PIK3CA: variants seen among roughly 807,000 people sequenced by gnomAD.
PIK3CA encodes the protein phosphatidylinositol-4,5-bisphosphate 3-kinase catalytic subunit alpha, also known as phosphatidylinositol 4,5-bisphosphate 3-kinase catalytic subunit alpha isoform.
PIK3CA carries 27 observed loss-of-function variants against 138.2 expected under a neutral mutation model. The observed-to-expected ratio is 0.20, with a 90% CI of 0.14 to 0.27. The LOEUF (loss-of-function observed/expected upper bound fraction) is 0.27, where lower values mean the gene tolerates loss of function less well. PIK3CA is among the 10% of genes least tolerant of loss of function. The pLI is 1.00. For missense variants in PIK3CA, 544 were observed against 1,277.4 expected, an observed-to-expected ratio of 0.43 and a Z score of 8.75; for synonymous variants, 358 against 413.2, an observed-to-expected ratio of 0.87 and a Z score of 1.62.
At position 179,234,656 on chromosome 3, in the gene PIK3CA, AAAAAC is replaced by A. The variant is rs1260259858; in HGVS notation, c.*307_*311del. On this transcript the variant is annotated 3_prime_UTR_variant, in exon 21 of 21. Coordinates refer to ENST00000263967, the MANE Select transcript of PIK3CA (RefSeq NM_006218.4). The surrounding 1 kb of genome is among the most constrained non-coding windows in gnomAD (Gnocchi z 5.1). ...TGAAGATTGTTTGTATCTTTTTTTA[AAAAAC>A]AAAACAAAACAAAAATCCCCAAAAT... 17 of 277,880 alleles carry A rather than the reference AAAAAC, an allele frequency of 6.1e-5. 1 individual carries two copies. The highest frequency in any genetic ancestry group is 1.0e-3 in the Middle Eastern group (1 of 980). 17.2% of individuals were successfully genotyped at this position (277,880 alleles called of 1,614,324 possible).
chr3:179,187,576 A>G (rs1396069645), intron 1 of PIK3CA, among the ~76,000 whole-genome samples: 1 of 147,672 alleles, frequency 6.8e-6, no homozygotes, highest in African/African-American at 2.5e-5. Flanking sequence ...CGGATCCTTT[A>G]TTGAATTTCT....
At chr3:179,209,276 A>G (rs779905745) in intron 6 of PIK3CA, among the ~76,000 whole-genome samples, 11 of 152,078 alleles carry the variant, frequency 7.2e-5, no homozygotes, top group South Asian at 6.2e-4. Flanking sequence ...TTATACCCCA[A>G]TACTCTTAGT....
chr3:179,233,180 G>T, intron 20 of PIK3CA: 1 of 395,620 alleles, frequency 2.5e-6, no homozygotes. Flanking sequence ...ATTTTTTGGA[G>T]AACTCTTGGG....
chr3:179,165,368 A>G (rs1000959100), intron 1 of PIK3CA, among the ~76,000 whole-genome samples: 4 of 152,186 alleles, frequency 2.6e-5, no homozygotes, highest in Non-Finnish European at 4.4e-5. Flanking sequence ...GAGTGGATCC[A>G]TAGTACTGGG....
intron 1 of PIK3CA, among the ~76,000 whole-genome samples, chr3:179,196,702 GT>G (rs1275197276): frequency 1.3e-5 from 2 of 152,104 alleles, no homozygotes; most frequent in Non-Finnish European, 2.9e-5. Context: ...ATAATTATTT[GT>G]TTGCAACCAA....
intron 14 of PIK3CA, 68 bp downstream of exon 14, chr3:179,221,225 G>A: frequency 9.6e-7 from 1 of 1,036,490 alleles, no homozygotes; most frequent in East Asian, 2.4e-5. Context: ...TAGAAGCCCA[G>A]TGTATATACA....
rs189474776 is a variant in PIK3CA at position 179,197,718 on chromosome 3, A to C, written c.-76-1032A>C. On this transcript the variant is annotated intron_variant, in intron 1 of 20. Transcript: ENST00000263967. ...CCTTTTTGATTCATGTCTCTAGCTTAACTTTCATTTTTTTCTTATTTGGTA... is the reference window on the plus strand; with the variant it reads ...CCTTTTTGATTCATGTCTCTAGCTTCACTTTCATTTTTTTCTTATTTGGTA... Among the ~76,000 whole-genome samples, 179 of 152,298 alleles carry C rather than the reference A, an allele frequency of 1.2e-3. 1 individual carries two copies. The highest frequency in any genetic ancestry group is 1.8e-3 in the Non-Finnish European group (125 of 68,000).
intron 6 of PIK3CA, among the ~76,000 whole-genome samples, chr3:179,206,516 C>T (rs1193804166): frequency 1.3e-5 from 2 of 152,048 alleles, no homozygotes; most frequent in Non-Finnish European, 2.9e-5. Context: ...ACTATAAACC[C>T]GTCAATCCAA....
chr3:179,176,048 C>T (rs1171317728), intron 1 of PIK3CA, among the ~76,000 whole-genome samples: 1 of 151,960 alleles, frequency 6.6e-6, no homozygotes, highest in Non-Finnish European at 1.5e-5. Context: ...AGTTTTGAAT[C>T]CTTTCCAGAG....
intron 17 of PIK3CA, among the ~76,000 whole-genome samples, chr3:179,228,645 T>G (rs1372068390): frequency 1.3e-5 from 2 of 152,102 alleles, no homozygotes; most frequent in East Asian, 3.8e-4. Flanking sequence ...CTGGGTACTA[T>G]GAAGCCAGAC....
intron 1 of PIK3CA, among the ~76,000 whole-genome samples, chr3:179,191,838 A>G (rs762947209): frequency 3.9e-5 from 6 of 152,234 alleles, no homozygotes; most frequent in Admixed American, 6.5e-5. Flanking sequence ...GGGTTTCACC[A>G]TGTTAGCCAG....
intron 6 of PIK3CA, among the ~76,000 whole-genome samples, chr3:179,206,192 G>A (rs1263937224): frequency 6.6e-6 from 1 of 150,814 alleles, no homozygotes; most frequent in Non-Finnish European, 1.5e-5. Context: ...CTAGTAGCTG[G>A]GACTACAGGC....
intron 1 of PIK3CA, among the ~76,000 whole-genome samples, chr3:179,184,984 T>A (rs1040735293): frequency 1.3e-5 from 2 of 152,196 alleles, no homozygotes; most frequent in African/African-American, 4.8e-5. Flanking sequence ...CTAAATTATG[T>A]CCTCACCCCA....
Position 179,156,091 on chromosome 3 carries a change from G to C in PIK3CA, c.-77+7488G>C, listed in dbSNP as rs372432817. ...CCTAGAGAGAAGACAGTCTAGCTCA[G>C]TTTGTTGTATTTTCAGAAGCTAAGA... On this transcript the variant is annotated intron_variant, in intron 1 of 20. Transcript: ENST00000263967. 2.6e-5 allele frequency among the ~76,000 whole-genome samples: 4 copies of C among 152,290 alleles called. No individual in the cohort carries two copies. The East Asian group carries it at 5.8e-4, about 22-fold the overall frequency.
intron 1 of PIK3CA, among the ~76,000 whole-genome samples, chr3:179,181,325 G>A (rs1723840583): frequency 6.6e-6 from 1 of 151,940 alleles, no homozygotes; most frequent in Non-Finnish European, 1.5e-5. Context: ...TAGGGATAAT[G>A]ACTCATGCTG....
At chr3:179,162,103 A>G (rs1490884195) in intron 1 of PIK3CA, among the ~76,000 whole-genome samples, 1 of 152,198 alleles carries the variant, frequency 6.6e-6, no homozygotes, top group Non-Finnish European at 1.5e-5. Flanking sequence ...GTACAGAAAT[A>G]TACATTTTAT....
At position 179,220,059 on chromosome 3, in the gene PIK3CA, CTAAT is replaced by C. The variant is rs1724930367; in HGVS notation, c.2015+10_2015+13del. On this transcript the variant is annotated splice_region_variant and intron_variant, in intron 13 of 20. Transcript: ENST00000263967. The surrounding 1 kb of genome is among the most constrained non-coding windows in gnomAD (Gnocchi z 4.1). ...TTTTCTTTTGGCATTTAAAGTAAGT[CTAAT>C]TATTTTCCCATTAAATTCTTAAGGT... 1 of 1,552,616 alleles carries C rather than the reference CTAAT, an allele frequency of 6.4e-7. No homozygotes were observed. The highest frequency in any genetic ancestry group is 1.4e-5 in the African/African-American group (1 of 72,378).
intron 1 of PIK3CA, among the ~76,000 whole-genome samples, chr3:179,196,008 C>A (rs1372846646): frequency 6.6e-6 from 1 of 152,092 alleles, no homozygotes; most frequent in African/African-American, 2.4e-5. Context: ...TGTTTTATTA[C>A]CATAATCACA....
At chr3:179,191,667 G>A (rs112825498) in intron 1 of PIK3CA, among the ~76,000 whole-genome samples, 8,015 of 152,044 alleles carry the variant, frequency 0.053, 223 homozygotes, top group Non-Finnish European at 0.057. Flanking sequence ...ATGGAGTTTC[G>A]CTCTTGTTGC....
Sources: gnomAD v4.1 joint callset for allele counts (sites outside exome capture counted in the v4.1 genomes callset) on GRCh38, gnomAD v4.1.1 for gene constraint, Gnocchi (gnomAD v3.1) non-coding constraint, MANE v1.5 for transcripts, NCBI Gene and HGNC (gene_info 2026-07-23, HGNC 2026-07-21) for gene names.